Variants in CTNNA3 observed in about 807,000 individuals in gnomAD.
The protein encoded by CTNNA3 is catenin alpha-3.
In CTNNA3, 76 loss-of-function variants were observed where a neutral mutation model predicts 95.7. The observed-to-expected ratio is 0.79, with a 90% confidence interval of 0.66 to 0.96. CTNNA3 has a LOEUF of 0.96. Among genes scored for constraint, CTNNA3 ranks in the 40% least tolerant of loss-of-function variants. The probability of loss-of-function intolerance (pLI) is 0.00; values close to 1 mark genes in which losing one functional copy is unlikely to be tolerated. For missense variants in CTNNA3, 1,191 were observed against 1,089.8 expected (o/e 1.09, Z -1.31); for synonymous variants, 431 against 374.4 (o/e 1.15, Z -1.74).
At chr10:67,727,488 A>G (rs1195927467) in intron 1 of CTNNA3, among the ~76,000 whole-genome samples, 3 of 132,272 alleles carry the variant, frequency 2.3e-5, no homozygotes, top group Non-Finnish European at 4.7e-5. Flanking sequence ...TATATATTAT[A>G]TTAAACATAA....
intron 9 of CTNNA3, among the ~76,000 whole-genome samples, chr10:66,720,468 G>A (rs192467731): frequency 1.2e-4 from 19 of 152,304 alleles, no homozygotes; most frequent in Admixed American, 1.2e-3. Context: ...GCCTTCTCCA[G>A]AATGGGATTT....
intron 12 of CTNNA3, among the ~76,000 whole-genome samples, chr10:66,346,009 A>C (rs2092506849): frequency 6.8e-6 from 1 of 146,828 alleles, no homozygotes; most frequent in African/African-American, 2.5e-5. Context: ...TCTGGGAGAC[A>C]GAGGTTGCAG....
At chr10:66,715,365 T>C (rs1444848113) in intron 9 of CTNNA3, among the ~76,000 whole-genome samples, 1 of 152,124 alleles carries the variant, frequency 6.6e-6, no homozygotes, top group South Asian at 2.1e-4. Flanking sequence ...GGAATAGTTA[T>C]GGCTCCTTAA....
At chr10:66,894,618 G>C (rs2132503698) in intron 7 of CTNNA3, among the ~76,000 whole-genome samples, 1 of 152,034 alleles carries the variant, frequency 6.6e-6, no homozygotes, top group Non-Finnish European at 1.5e-5. Context: ...TAGTATAGGA[G>C]TCTATATACT....
intron 17 of CTNNA3, among the ~76,000 whole-genome samples, chr10:65,952,044 A>AG (rs1249638381): frequency 1.3e-5 from 2 of 151,914 alleles, no homozygotes; most frequent in South Asian, 4.2e-4. Context: ...AAAAAAAAAA[A>AG]AAAAATCCCT....
At chr10:67,564,686 TA>T (rs1841688285) in intron 3 of CTNNA3, among the ~76,000 whole-genome samples, 2 of 69,452 alleles carry the variant, frequency 2.9e-5, no homozygotes, top group Admixed American at 1.6e-4. Flanking sequence ...TGTATATATA[TA>T]TATATATATA....
At chr10:66,131,208 A>G (rs1032084918) in intron 13 of CTNNA3, among the ~76,000 whole-genome samples, 1 of 152,156 alleles carries the variant, frequency 6.6e-6, no homozygotes, top group African/African-American at 2.4e-5. Context: ...CCCCCTCTTC[A>G]ACTCAATCTA....
intron 15 of CTNNA3, among the ~76,000 whole-genome samples, chr10:66,037,834 G>A (rs1336394485): frequency 6.6e-6 from 1 of 152,130 alleles, no homozygotes; most frequent in African/African-American, 2.4e-5. Flanking sequence ...GTTTTCAGCT[G>A]GACTAGGAAA....
At chr10:66,669,790 T>C (rs1446989103) in intron 9 of CTNNA3, among the ~76,000 whole-genome samples, 1 of 152,100 alleles carries the variant, frequency 6.6e-6, no homozygotes, top group East Asian at 1.9e-4. Context: ...AAAGAGAGGA[T>C]TCATCTTTAA....
chr10:66,278,537 C>T (rs919654228), intron 13 of CTNNA3, among the ~76,000 whole-genome samples: 2 of 151,914 alleles, frequency 1.3e-5, no homozygotes, highest in African/African-American at 4.8e-5. Context: ...TTCTCCTGCC[C>T]TACAGAGGAC....
upstream of CTNNA3, among the ~76,000 whole-genome samples, chr10:67,699,476 C>T (rs1841016206): frequency 6.6e-6 from 1 of 152,188 alleles, no homozygotes; most frequent in Non-Finnish European, 1.5e-5. Flanking sequence ...CTTTAAATGA[C>T]ATAGGATATT....
chr10:66,004,859 T>C (rs1332774998), intron 15 of CTNNA3, among the ~76,000 whole-genome samples: 3 of 152,226 alleles, frequency 2.0e-5, no homozygotes, highest in Non-Finnish European at 4.4e-5. Flanking sequence ...TTCATGCAAT[T>C]CTTGCATTAG....
Position 65,915,324 on chromosome 10 carries a change from C to A in CTNNA3, c.*5006G>T, listed in dbSNP as rs2076993055. 6.6e-6 allele frequency: 1 copy of A among 152,058 alleles called. No homozygotes were observed. The highest frequency in any genetic ancestry group is 1.5e-5 in the Non-Finnish European group (1 of 68,006). The allele number at this position is 152,058 out of a possible 1,614,324, so 9.4% of individuals were successfully genotyped here. A position where few individuals can be genotyped will look rare whatever the true frequency, so the allele number is the denominator to read the frequency against. ...ACACGACTTCACCAAACCACCAAGA[C>A]AAGTGTCTCATTCTATCCTTAATAC... is the stretch of plus-strand genomic sequence containing the variant. On this transcript the variant is annotated 3_prime_UTR_variant, in exon 18 of 18. Coordinates refer to ENST00000433211, the MANE Select transcript of CTNNA3 (RefSeq NM_013266.4).
At chr10:66,964,888 G>A (rs965677605) in intron 7 of CTNNA3, among the ~76,000 whole-genome samples, 1 of 152,030 alleles carries the variant, frequency 6.6e-6, no homozygotes, top group Non-Finnish European at 1.5e-5. Flanking sequence ...ATTAAACCCT[G>A]ACTAATGTAA....
chr10:66,128,954 A>G lies in CTNNA3; in HGVS notation c.1885-25705T>C, dbSNP rs186556247. On this transcript the variant is annotated intron_variant, in intron 13 of 17. Transcript: ENST00000433211. ...TGAACCTAAAAAATAGTCTGTTTAA[A>G]AAAAAAACAAAAAACAAAAAAAAAA... is the stretch of plus-strand genomic sequence containing the variant. Among the ~76,000 whole-genome samples, 86 of 151,604 alleles carry G rather than the reference A, an allele frequency of 5.7e-4. 1 individual carries two copies. The highest frequency in any genetic ancestry group is 2.6e-3 in the Admixed American group (39 of 15,244).
intron 5 of CTNNA3, among the ~76,000 whole-genome samples, chr10:67,391,134 C>T (rs1177367833): frequency 2.0e-5 from 3 of 152,100 alleles, no homozygotes; most frequent in East Asian, 1.9e-4. Context: ...TTGCAGACGA[C>T]ATGATTGTAT....
intron 17 of CTNNA3, among the ~76,000 whole-genome samples, chr10:65,954,048 T>G (rs1196742868): frequency 6.6e-6 from 1 of 152,178 alleles, no homozygotes; most frequent in African/African-American, 2.4e-5. Flanking sequence ...CCAGCACCTG[T>G]TGTTTCCTGA....
At chr10:67,699,358 T>C (rs1187986478), upstream of CTNNA3, among the ~76,000 whole-genome samples, 1 of 152,148 alleles carries the variant, frequency 6.6e-6, no homozygotes, top group Non-Finnish European at 1.5e-5. Context: ...TTATTTCCCC[T>C]TCACTCCCAA....
chr10:67,182,209 C>T (rs1269297497), intron 6 of CTNNA3, among the ~76,000 whole-genome samples: 1 of 152,012 alleles, frequency 6.6e-6, no homozygotes, highest in Non-Finnish European at 1.5e-5. Context: ...TCATATGGAA[C>T]CAAAAAAGAG....
Sources: gnomAD v4.1 joint callset for allele counts (sites outside exome capture counted in the v4.1 genomes callset) on GRCh38, gnomAD v4.1.1 for gene constraint, MANE v1.5 for transcripts, NCBI Gene and HGNC (gene_info 2026-07-23, HGNC 2026-07-21) for gene names.